Variants in WWOX observed in about 807,000 individuals in gnomAD.
The protein encoded by WWOX is WW domain-containing oxidoreductase.
WWOX carries 69 observed loss-of-function variants against 46.2 expected under a neutral mutation model. The observed-to-expected ratio is 1.49, with a 90% confidence interval of 1.23 to 1.82. WWOX has a LOEUF of 1.82. Ranked by LOEUF, WWOX falls within the 40% of genes most tolerant of loss-of-function variation. The pLI is 0.00. For missense variants in WWOX, 919 were observed against 542.6 expected, an observed-to-expected ratio of 1.69 and a Z score of -6.89; for synonymous variants, 359 against 202.6, an observed-to-expected ratio of 1.77 and a Z score of -6.56.
At chr16:78,893,384 C>T (rs1003951159) in intron 8 of WWOX, among the ~76,000 whole-genome samples, 1 of 152,122 alleles carries the variant, frequency 6.6e-6, no homozygotes, top group Admixed American at 6.5e-5. Context: ...CAGGCTCCCC[C>T]ATTCAGTATA....
intron 5 of WWOX, among the ~76,000 whole-genome samples, chr16:78,334,798 A>ACACACACG (rs2080841408): frequency 1.5e-5 from 1 of 66,534 alleles, no homozygotes; most frequent in Non-Finnish European, 3.0e-5. Flanking sequence ...CCCTCCACAC[A>ACACACACG]CACACACACG....
At chr16:78,099,985 C>T in intron 1 of WWOX, 100 bp downstream of exon 1, 3 of 1,516,298 alleles carry the variant, frequency 2.0e-6, no homozygotes, top group Non-Finnish European at 2.6e-6. Flanking sequence ...GCAGCGCGTG[C>T]GGTGCAAAGT....
intron 8 of WWOX, among the ~76,000 whole-genome samples, chr16:79,014,456 G>C (rs1459272621): frequency 6.6e-6 from 1 of 152,106 alleles, no homozygotes. Context: ...ATTTTCCGTG[G>C]TATGAAAAAT....
At chr16:78,411,757 C>G (rs917313171) in intron 6 of WWOX, among the ~76,000 whole-genome samples, 1 of 152,178 alleles carries the variant, frequency 6.6e-6, no homozygotes, top group Non-Finnish European at 1.5e-5. Flanking sequence ...ATTGCAGTGA[C>G]TACACCTAAA....
rs1216650959 is a variant in WWOX, at chr16:78,767,469, AGT to A, written c.1056+334728_1056+334729del. 3.1e-3 allele frequency among the ~76,000 whole-genome samples: 356 copies of A among 114,328 alleles called. 3 individuals carry two copies. The highest frequency in any genetic ancestry group is 0.012 in the African/African-American group (348 of 29,116). The allele number at this position is 114,328 out of a possible 152,430, so 75.0% of individuals were successfully genotyped here. A position where few individuals can be genotyped will look rare whatever the true frequency, so the allele number is the denominator to read the frequency against. ...TATGGCTGAATAATGTTTCTGTGTG[AGT>A]GTGTGTGTGTCTGTGTGTGTGTGTG... On this transcript the variant is annotated intron_variant, in intron 8 of 8. Coordinates refer to ENST00000566780, the MANE Select transcript of WWOX (RefSeq NM_016373.4).
intron 8 of WWOX, among the ~76,000 whole-genome samples, chr16:79,123,251 G>A (rs912348042): frequency 2.6e-5 from 4 of 152,262 alleles, no homozygotes; most frequent in South Asian, 2.1e-4. Context: ...CTCTGTCCTC[G>A]GTGGGGACAG....
At chr16:78,657,377 G>A (rs370652135) in intron 8 of WWOX, among the ~76,000 whole-genome samples, 6 of 152,250 alleles carry the variant, frequency 3.9e-5, no homozygotes, top group Admixed American at 1.3e-4. Flanking sequence ...CCCCCATCCT[G>A]TAAAGGAGCC....
At chr16:78,607,007 G>A (rs776721122) in intron 8 of WWOX, among the ~76,000 whole-genome samples, 6 of 152,164 alleles carry the variant, frequency 3.9e-5, no homozygotes, top group South Asian at 4.1e-4. Flanking sequence ...TTGTCTGTCT[G>A]CCCACAACCT....
chr16:78,603,727 T>C (rs992998199), intron 8 of WWOX, among the ~76,000 whole-genome samples: 1 of 151,990 alleles, frequency 6.6e-6, no homozygotes, highest in African/African-American at 2.4e-5. Context: ...AAATAAAAAA[T>C]ATGTCCTGTA....
At chr16:78,500,998 A>G (rs1222475219) in intron 8 of WWOX, among the ~76,000 whole-genome samples, 1 of 152,104 alleles carries the variant, frequency 6.6e-6, no homozygotes, top group Non-Finnish European at 1.5e-5. Context: ...CCAGGGAAAT[A>G]TGTTTCACTT....
intron 8 of WWOX, among the ~76,000 whole-genome samples, chr16:78,961,423 T>C (rs1481421653): frequency 1.3e-5 from 2 of 151,992 alleles, no homozygotes; most frequent in African/African-American, 4.8e-5. Context: ...AGCAGATATA[T>C]AGCTATGGGA....
At chr16:78,150,905 GCT>G (rs547947678) in intron 4 of WWOX, among the ~76,000 whole-genome samples, 202 of 151,908 alleles carry the variant, frequency 1.3e-3, no homozygotes, top group African/African-American at 4.7e-3. Flanking sequence ...ACAGGGTCTC[GCT>G]CTGTCACCCA....
chr16:78,368,371 A>T (rs1011838260), intron 5 of WWOX, among the ~76,000 whole-genome samples: 1 of 152,070 alleles, frequency 6.6e-6, no homozygotes, highest in African/African-American at 2.4e-5. Context: ...CTTCTGGGGG[A>T]TGCTTTGTAG....
chr16:78,705,291 C>T (rs1172923345), intron 8 of WWOX, among the ~76,000 whole-genome samples: 1 of 152,162 alleles, frequency 6.6e-6, no homozygotes, highest in Non-Finnish European at 1.5e-5. Flanking sequence ...CTGCCCAGTA[C>T]TTTATATTCA....
At chr16:78,462,802 C>T (rs1344144516) in intron 8 of WWOX, among the ~76,000 whole-genome samples, 1 of 152,234 alleles carries the variant, frequency 6.6e-6, no homozygotes, top group Non-Finnish European at 1.5e-5. Context: ...TTGATTAGCT[C>T]TGAGAAACGA....
chr16:78,275,990 C>G (rs28588861), intron 5 of WWOX, among the ~76,000 whole-genome samples: 93,744 of 151,958 alleles, frequency 0.62, 30,216 homozygotes, highest in East Asian at 0.92. Flanking sequence ...GACCCCCAAA[C>G]TTCCTGGGCT....
chr16:79,082,732 C>T (rs1347796471), intron 8 of WWOX, among the ~76,000 whole-genome samples: 1 of 152,142 alleles, frequency 6.6e-6, no homozygotes, highest in Non-Finnish European at 1.5e-5. Flanking sequence ...AAGAGTTGTT[C>T]ATGTGATGCA....
intron 8 of WWOX, among the ~76,000 whole-genome samples, chr16:78,596,263 G>C (rs2045487211): frequency 6.6e-6 from 1 of 152,158 alleles, no homozygotes; most frequent in South Asian, 2.1e-4. Flanking sequence ...TTGTTCATTT[G>C]TTTCATGCAA....
rs545778657 is a variant in WWOX, at chr16:78,940,217, C to G, written c.1057-271391C>G. On this transcript the variant is annotated intron_variant, in intron 8 of 8. Transcript: ENST00000566780. ...TTACACACATTATAAATTCGAGTAA[C>G]AGAAATGTTTGTGTGTAGAAATAGA... 2.6e-5 allele frequency among the ~76,000 whole-genome samples: 4 copies of G among 152,142 alleles called. No homozygotes were observed. In the South Asian group the frequency reaches 8.3e-4, roughly 32 times the overall value.
Sources: allele counts gnomAD v4.1 joint callset (sites outside exome capture counted in the v4.1 genomes callset), GRCh38; gene constraint gnomAD v4.1.1; transcripts MANE v1.5; gene names NCBI Gene and HGNC (gene_info 2026-07-23, HGNC 2026-07-21).